Variants in ESYT3 observed in about 807,000 individuals in gnomAD.
ESYT3 encodes extended synaptotagmin-3.
In ESYT3, 101 loss-of-function variants were observed where a neutral mutation model predicts 111.5. The observed-to-expected ratio is 0.91, with a 90% CI of 0.77 to 1.07. The LOEUF (loss-of-function observed/expected upper bound fraction) is 1.07, where lower values mean the gene tolerates loss of function less well. Among genes scored for constraint, ESYT3 ranks in the 50% least tolerant of loss-of-function variants. The pLI, the probability that ESYT3 is intolerant of heterozygous loss-of-function variation, is 0.00. For missense variants in ESYT3, 1,097 were observed against 1,109.4 expected, an observed-to-expected ratio of 0.99 and a Z score of 0.16; for synonymous variants, 416 against 446.8, an observed-to-expected ratio of 0.93 and a Z score of 0.87.
intron 12 of ESYT3, 50 bp downstream of exon 12, chr3:138,468,244 C>T (rs748482276): frequency 3.4e-5 from 53 of 1,555,884 alleles, no homozygotes; most frequent in Non-Finnish European, 4.5e-5. Context: ...GAGGAGCACA[C>T]GTGCCAGGTG....
At chr3:138,451,142 C>T (rs1427088980) in intron 1 of ESYT3, among the ~76,000 whole-genome samples, 2 of 152,240 alleles carry the variant, frequency 1.3e-5, no homozygotes, top group African/African-American at 4.8e-5. Context: ...CACAGGTCAG[C>T]CAACAGGACT....
At chr3:138,448,839 A>G (rs545644723) in intron 1 of ESYT3, among the ~76,000 whole-genome samples, 1 of 152,234 alleles carries the variant, frequency 6.6e-6, no homozygotes, top group African/African-American at 2.4e-5. Flanking sequence ...GCTCACTGGG[A>G]GTGAAGGCAG....
At chr3:138,455,471 C>T (rs778774283) in intron 3 of ESYT3, 143 bp downstream of exon 3, 155 of 782,210 alleles carry the variant, frequency 2.0e-4, no homozygotes, top group Non-Finnish European at 2.7e-4. Flanking sequence ...CCTCCCGCCA[C>T]CACCTGCATT....
chr3:138,470,767 G>C (rs1329983591), intron 16 of ESYT3, 110 bp from the exon 17 acceptor site: 1 of 1,551,482 alleles, frequency 6.4e-7, no homozygotes, highest in African/African-American at 1.4e-5. Flanking sequence ...GATGCCCATA[G>C]AAGCACAGTA....
intron 2 of ESYT3, among the ~76,000 whole-genome samples, chr3:138,453,274 A>G (rs958462559): frequency 2.0e-5 from 3 of 152,204 alleles, no homozygotes; most frequent in Middle Eastern, 3.2e-3. Context: ...ACAGAGGCCT[A>G]TACAAGGCGT....
At chr3:138,443,367 A>G (rs1043988435) in intron 1 of ESYT3, among the ~76,000 whole-genome samples, 2 of 152,224 alleles carry the variant, frequency 1.3e-5, no homozygotes, top group African/African-American at 4.8e-5. Context: ...AGAACAGAGG[A>G]AAAAAAGGAC....
At chr3:138,450,667 C>A (rs975496629) in intron 1 of ESYT3, among the ~76,000 whole-genome samples, 4 of 152,194 alleles carry the variant, frequency 2.6e-5, no homozygotes, top group Admixed American at 1.3e-4. Context: ...AAAAACTGTT[C>A]CGGGAGAACT....
At position 138,470,043 on chromosome 3, in the gene ESYT3, C is replaced by A; in HGVS notation, c.1504-17C>A. 2 of 1,608,508 alleles carry A rather than the reference C, an allele frequency of 1.2e-6. No homozygotes were observed. The highest frequency in any genetic ancestry group is 2.2e-5 in the South Asian group (2 of 90,656). ...CCAACCTAACCCTTCAATGATCTCT[C>A]CCTCTTCTGTTCCCAGACCTGTCCC... On this transcript the variant is annotated splice_polypyrimidine_tract_variant and intron_variant, in intron 15 of 22. Transcript: ENST00000389567.
At position 138,438,399 on chromosome 3, in the gene ESYT3, C is replaced by T. The variant is rs116015250; in HGVS notation, c.327+3274C>T. Among the ~76,000 whole-genome samples the T allele has an allele frequency of 2.8e-3, 426 of 152,192 alleles. 3 individuals carry two copies. Among genetic ancestry groups the T allele is most frequent in the African/African-American group, 9.7e-3 (401 of 41,500 alleles). On this transcript the variant is annotated intron_variant, in intron 1 of 22. Coordinates refer to ENST00000389567, the MANE Select transcript of ESYT3 (RefSeq NM_031913.5). ...CCCCCAGTGGGGAGGGATGGATATC[C>T]GGCCACCTGCTGCTTGTCAAGCTGT... is the stretch of plus-strand genomic sequence containing the variant.
chr3:138,443,818 T>C (rs2031342176), intron 1 of ESYT3, among the ~76,000 whole-genome samples: 2 of 151,764 alleles, frequency 1.3e-5, no homozygotes, highest in South Asian at 4.2e-4. Context: ...ATTCATCGAA[T>C]GACAGGGAGG....
At chr3:138,464,314 G>T (rs1328955284) in intron 8 of ESYT3, 31 bp from the exon 9 acceptor site, 1 of 1,611,698 alleles carries the variant, frequency 6.2e-7, no homozygotes. Flanking sequence ...CCAGGAAGCA[G>T]CTGTGAGCCC....
At position 138,470,989 on chromosome 3, in the gene ESYT3, G is replaced by A. The variant is rs774470802; in HGVS notation, c.1703G>A (p.Gly568Asp). The A allele has an allele frequency of 1.1e-5, 18 of 1,614,056 alleles. 1 individual carries two copies. The South Asian group carries it at 2.0e-4, about 18-fold the overall frequency. Residue 568 changes from glycine to aspartate, a missense_variant, in exon 17 of 23, where the codon GGC becomes GAC. Physicochemically the swap from Gly to Asp is moderately conservative, Grantham distance 94. Coordinates refer to ENST00000389567, the MANE Select transcript of ESYT3 (RefSeq NM_031913.5). ...CAGCGCTTTCAGCTGGACCACTCAG[G>A]CCTGGACAGCCTCATCTCCATGAGG... is the stretch of plus-strand genomic sequence containing the variant. ...LEQRFQLDHS[G>D]LDSLISMRLV...
At chr3:138,450,233 T>C (rs2031834411) in intron 1 of ESYT3, among the ~76,000 whole-genome samples, 1 of 152,214 alleles carries the variant, frequency 6.6e-6, no homozygotes, top group Admixed American at 6.5e-5. Flanking sequence ...GAGCTGGGTC[T>C]CCTCTCTAGG....
chr3:138,451,639 T>G (rs1042447945), intron 1 of ESYT3, among the ~76,000 whole-genome samples: 11 of 152,150 alleles, frequency 7.2e-5, no homozygotes, highest in South Asian at 2.1e-4. Context: ...CTCCCTTTCC[T>G]CCTCGCCTTC....
chr3:138,464,548 CTCTGAG>C (rs758176770), intron 9 of ESYT3, 33 bp downstream of exon 9: 1 of 1,611,652 alleles, frequency 6.2e-7, no homozygotes, highest in African/African-American at 1.3e-5. Flanking sequence ...CTAGCCTTCA[CTCTGAG>C]TCATGCTGGG....
chr3:138,468,930 C>G, intron 14 of ESYT3, 49 bp downstream of exon 14: 1 of 1,587,588 alleles, frequency 6.3e-7, no homozygotes, highest in African/African-American at 1.3e-5. Context: ...ATCACAGCTT[C>G]TCTCCCCAGA....
chr3:138,444,665 G>A (rs1393888302), intron 1 of ESYT3, among the ~76,000 whole-genome samples: 3 of 152,220 alleles, frequency 2.0e-5, no homozygotes, highest in Non-Finnish European at 2.9e-5. Flanking sequence ...GCTACAGAAA[G>A]CAGGTATGAG....
chr3:138,471,549 A>AT (rs1195739002), intron 17 of ESYT3, among the ~76,000 whole-genome samples: 57 of 152,298 alleles, frequency 3.7e-4, no homozygotes, highest in Non-Finnish European at 4.4e-5. Context: ...GTTACAATGT[A>AT]TTAATATGTA....
At chr3:138,453,435 C>G (rs2032071585) in intron 2 of ESYT3, among the ~76,000 whole-genome samples, 1 of 152,074 alleles carries the variant, frequency 6.6e-6, no homozygotes, top group African/African-American at 2.4e-5. Flanking sequence ...GACAAACCAG[C>G]AAGACAGGAA....
Sources: gnomAD v4.1 joint callset for allele counts (sites outside exome capture counted in the v4.1 genomes callset) on GRCh38, gnomAD v4.1.1 for gene constraint, MANE v1.5 for transcripts, NCBI Gene and HGNC (gene_info 2026-07-23, HGNC 2026-07-21) for gene names.